Variants in MLXIPL observed in about 807,000 individuals in gnomAD.
MLXIPL encodes MLX interacting protein like.
MLXIPL carries 49 observed loss-of-function variants against 81.5 expected under a neutral mutation model. That is an observed-to-expected ratio of 0.60 (90% CI 0.48 to 0.76). MLXIPL has a LOEUF of 0.76. Ranked by LOEUF, MLXIPL falls within the 30% of genes least tolerant of loss-of-function variation. The pLI is 0.00. For missense variants in MLXIPL, 1,053 were observed against 1,167.0 expected, an observed-to-expected ratio of 0.90 and a Z score of 1.42; for synonymous variants, 466 against 485.5, an observed-to-expected ratio of 0.96 and a Z score of 0.53.
Position 73,596,535 on chromosome 7 carries a change from A to G in MLXIPL, c.1823-56T>C. On this transcript the variant is annotated intron_variant, in intron 11 of 16. Transcript: ENST00000313375. This position sits in a 1 kb window ranked among gnomAD's most constrained non-coding sequence, Gnocchi z 4.7. ...GACCGACCCAGGGGAAAGGGTCCCC[A>G]TTGCCCCCTTCCTCTCATCTGGCCC... The G allele has an allele frequency of 1.2e-6, 2 of 1,603,646 alleles. No homozygotes were observed. The highest frequency in any genetic ancestry group is 1.7e-6 in the Non-Finnish European group (2 of 1,173,318).
In MLXIPL at chr7:73,593,738, A is replaced by AC. The variant is rs1554592640; in HGVS notation, c.*126dup. On this transcript the variant is annotated 3_prime_UTR_variant, in exon 17 of 17. Transcript: ENST00000313375. Reference sequence around the variant, plus strand: ...AAGTGTGAAACCTGGACCCTGCTCCACCCCCCAGGGAAGGGCAGAGCCAGG... The same window carrying AC: ...AAGTGTGAAACCTGGACCCTGCTCCACCCCCCCAGGGAAGGGCAGAGCCAGG... 6 of 860,952 alleles carry AC rather than the reference A, an allele frequency of 7.0e-6. No individual in the cohort carries two copies. Among genetic ancestry groups the AC allele is most frequent in the African/African-American group, 3.3e-5 (2 of 60,072 alleles). The allele number at this position is 860,952 out of a possible 1,614,324, so 53.3% of individuals were successfully genotyped here.
At chr7:73,607,566 G>A in intron 3 of MLXIPL, 24 bp downstream of exon 3, 1 of 1,610,262 alleles carries the variant, frequency 6.2e-7, no homozygotes, top group Non-Finnish European at 8.5e-7. Flanking sequence ...GGGCAGGTGG[G>A]CAGGCGGTCC....
At position 73,596,006 on chromosome 7, in the gene MLXIPL, G is replaced by T; in HGVS notation, c.2059-37C>A. On this transcript the variant is annotated intron_variant, in intron 13 of 16. Transcript: ENST00000313375. The surrounding 1 kb of genome is among the most constrained non-coding windows in gnomAD (Gnocchi z 4.7). ...ACCAGGGGGGCTCAGGCAGGTGCTAGAGGCTGTACCCTGGGACCCACTGAG... is the reference window on the plus strand; with the variant it reads ...ACCAGGGGGGCTCAGGCAGGTGCTATAGGCTGTACCCTGGGACCCACTGAG... The T allele has an allele frequency of 6.2e-7, 1 of 1,610,392 alleles. No individual in the cohort carries two copies. The highest frequency in any genetic ancestry group is 8.5e-7 in the Non-Finnish European group (1 of 1,179,802).
At chr7:73,642,661 T>A in the MLXIPL span, among the ~76,000 whole-genome samples, 1 of 151,838 alleles carries the variant, frequency 6.6e-6, no homozygotes, top group Non-Finnish European at 1.5e-5. Context: ...TGGCCCTTTT[T>A]TAAATTTATT....
At chr7:73,636,951 T>G in the MLXIPL span, among the ~76,000 whole-genome samples, 2 of 150,816 alleles carry the variant, frequency 1.3e-5, no homozygotes, top group Non-Finnish European at 2.9e-5. Flanking sequence ...TCCCAGCTAC[T>G]CGGGAGGCTG....
In MLXIPL at chr7:73,595,667, G is replaced by C; in HGVS notation, c.2280C>G (p.Thr760=). The C allele has an allele frequency of 1.2e-6, 2 of 1,614,192 alleles. No individual in the cohort carries two copies. Among genetic ancestry groups the C allele is most frequent in the Non-Finnish European group, 1.7e-6 (2 of 1,180,014 alleles). Residue 760 remains threonine, a synonymous_variant, in exon 15 of 17, where the codon ACC becomes ACG. Transcript: ENST00000313375. ...AGAACTTCCAGTTGTGCAGCGTACG[G>C]GTTCGGACGTAGTCATCAAACATGT... ...MRDMFDDYVR[T]RTLHNWKFWV...
At chr7:73,635,229 T>C in the MLXIPL span, among the ~76,000 whole-genome samples, 2 of 151,814 alleles carry the variant, frequency 1.3e-5, no homozygotes, top group Non-Finnish European at 2.9e-5. Context: ...CCTGTGTAGA[T>C]TACCTCTGGT....
At chr7:73,621,160 C>T (rs1484651774) in intron 1 of MLXIPL, among the ~76,000 whole-genome samples, 1 of 151,928 alleles carries the variant, frequency 6.6e-6, no homozygotes, top group Non-Finnish European at 1.5e-5. Context: ...CCACCTCCCA[C>T]CTTTCAGGAA....
the MLXIPL span, among the ~76,000 whole-genome samples, chr7:73,646,732 C>A: frequency 6.6e-6 from 1 of 152,184 alleles, no homozygotes; most frequent in South Asian, 2.1e-4. Context: ...CTGGGGCGGA[C>A]CTGAGATTCC....
Position 73,607,424 on chromosome 7 carries a change from G to T in MLXIPL, c.484-4C>A. Reference sequence around the variant, plus strand: ...AGTTCCCCTCCAGGACCACGGCCTGGGGTAGGGGCCGGGGGAGGGGGATCA... The same window carrying T: ...AGTTCCCCTCCAGGACCACGGCCTGTGGTAGGGGCCGGGGGAGGGGGATCA... On this transcript the variant is annotated splice_region_variant and splice_polypyrimidine_tract_variant and intron_variant, in intron 3 of 16. Coordinates refer to ENST00000313375, the MANE Select transcript of MLXIPL (RefSeq NM_032951.3). 6.4e-7 allele frequency: 1 copy of T among 1,554,970 alleles called. No individual in the cohort carries two copies. Among genetic ancestry groups the T allele is most frequent in the East Asian group, 2.4e-5 (1 of 41,334 alleles).
chr7:73,603,447 C>T (rs782230162), intron 7 of MLXIPL, among the ~76,000 whole-genome samples: 33 of 152,196 alleles, frequency 2.2e-4, no homozygotes, highest in Non-Finnish European at 2.5e-4. Flanking sequence ...CCAGGCTGGC[C>T]TGCTCCCAGG....
At position 73,618,947 on chromosome 7, in the gene MLXIPL, T is replaced by C. The variant is rs544457282; in HGVS notation, c.294-2770A>G. On this transcript the variant is annotated intron_variant, in intron 1 of 16. Coordinates refer to ENST00000313375, the MANE Select transcript of MLXIPL (RefSeq NM_032951.3). ...TAGAGCAGATGTGACAGTGACAATA[T>C]CCAAGCCCAGGAGGAAGAAAAGGAT... Among the ~76,000 whole-genome samples the C allele has an allele frequency of 3.9e-5, 6 of 152,204 alleles. No individual in the cohort carries two copies. The South Asian group carries it at 1.2e-3, about 32-fold the overall frequency.
intron 1 of MLXIPL, among the ~76,000 whole-genome samples, chr7:73,622,015 A>C (rs1196552712): frequency 0.051 from 447 of 8,740 alleles, no homozygotes; most frequent in African/African-American, 0.059. Context: ...TCCTCCCCCC[A>C]TCTCCCTCCC....
Position 73,624,302 on chromosome 7 carries a change from C to A in MLXIPL, c.191G>T (p.Arg64Leu). Residue 64 changes from arginine (R) to leucine (L), a missense_variant, in exon 1 of 17, where the codon CGG becomes CTG. Around this residue, in one of 3 missense-constraint regions of MLXIPL, gnomAD observed 226 missense variants for 216.2 expected, o/e 1.05. Transcript: ENST00000313375. ...VSSPHSDSLP[R>L]RRDQEGSVGP... ...CACGGACCCCTCCTGGTCGCGCCGC[C>A]GGGGCAGCGAGTCGCTGTGCGGCGA... 6.3e-7 allele frequency: 1 copy of A among 1,586,518 alleles called. No individual in the cohort carries two copies. The highest frequency in any genetic ancestry group is 8.6e-7 in the Non-Finnish European group (1 of 1,168,314).
At chr7:73,632,286 G>A in the MLXIPL span, among the ~76,000 whole-genome samples, 2 of 152,172 alleles carry the variant, frequency 1.3e-5, no homozygotes, top group Non-Finnish European at 2.9e-5. Flanking sequence ...ATAGGCATGA[G>A]CCACTGTGCC....
chr7:73,596,373 G>A lies in MLXIPL; in HGVS notation c.1929C>T (p.Asp643=), dbSNP rs147305510. 2.2e-5 allele frequency: 36 copies of A among 1,613,074 alleles called. No homozygotes were observed. The African/African-American group carries it at 4.7e-4, about 21-fold the overall frequency. ...PQPILSRGRP[D]SNKTENRRIT... is the part of the protein sequence containing the mutation. ...GGGGGATGGTGCCCACCTTGTTGCT[G>A]TCTGGACGGCCCCGGCTGAGGATGG... The change falls in exon 12 of 17, where the codon GAC becomes GAT. Residue 643 remains aspartate (D), a synonymous_variant. Transcript: ENST00000313375. This position sits in a 1 kb window ranked among gnomAD's most constrained non-coding sequence, Gnocchi z 4.7.
intron 7 of MLXIPL, among the ~76,000 whole-genome samples, chr7:73,605,298 C>A (rs1325705684): frequency 6.6e-6 from 1 of 151,890 alleles, no homozygotes; most frequent in African/African-American, 2.4e-5. Context: ...GTGGCTCATG[C>A]CTGTAATCCC....
At chr7:73,613,777 A>G (rs1313844162) in intron 2 of MLXIPL, among the ~76,000 whole-genome samples, 3 of 152,190 alleles carry the variant, frequency 2.0e-5, no homozygotes. Context: ...AACTTGTGCA[A>G]TAGCTGGAGA....
the MLXIPL span, among the ~76,000 whole-genome samples, chr7:73,637,070 A>AAAAAAG: frequency 6.6e-5 from 10 of 151,972 alleles, no homozygotes; most frequent in African/African-American, 1.7e-4. Context: ...AAAAAAAAAA[A>AAAAAAG]AAGAATAACA....
Sources: allele counts gnomAD v4.1 joint callset (sites outside exome capture counted in the v4.1 genomes callset), GRCh38; gene constraint gnomAD v4.1.1; regional missense constraint gnomAD v4.1.1; non-coding constraint Gnocchi (gnomAD v3.1); transcripts MANE v1.5; gene names NCBI Gene and HGNC (gene_info 2026-07-23, HGNC 2026-07-21).